UTRN: variants seen among roughly 807,000 people sequenced by gnomAD.
UTRN encodes the protein dystrophin-related protein 1.
A neutral mutation model predicts 463.9 loss-of-function variants in UTRN; 283 were observed. The observed-to-expected ratio is 0.61, with a 90% CI of 0.55 to 0.67. The LOEUF (loss-of-function observed/expected upper bound fraction) is 0.67. Ranked by LOEUF, UTRN falls within the 30% of genes least tolerant of loss-of-function variation. UTRN has a pLI of 0.00. For missense variants in UTRN, 3,922 were observed against 4,084.3 expected (o/e 0.96, Z 1.08); for synonymous variants, 1,442 against 1,431.5 (o/e 1.01, Z -0.17).
At position 144,516,335 on chromosome 6, in the gene UTRN, A is replaced by C. The variant is rs370218753; in HGVS notation, c.5351A>C (p.Asn1784Thr). The C allele has an allele frequency of 8.7e-6, 14 of 1,613,672 alleles. No individual in the cohort carries two copies. Among genetic ancestry groups the C allele is most frequent in the African/African-American group, 4.0e-5 (3 of 74,912 alleles). Residue 1784 changes from asparagine (N) to threonine (T), a missense_variant, in exon 38 of 75, where the codon AAT (asparagine) becomes ACT (threonine). Asn to Thr is a moderately conservative substitution (Grantham distance 65, BLOSUM62 0). Transcript: ENST00000367545. ...GAAAAATTAGAAAATGACATAGAAAATATGTTAAAATTTGTGGAAAAACAC... is the reference window on the plus strand; with the variant it reads ...GAAAAATTAGAAAATGACATAGAAACTATGTTAAAATTTGTGGAAAAACAC... Reference protein sequence around the residue: ...DLEKLENDIENMLKFVEKHLE... With the variant: ...DLEKLENDIETMLKFVEKHLE...
intron 53 of UTRN, among the ~76,000 whole-genome samples, chr6:144,709,603 G>A (rs1157181117): frequency 6.6e-6 from 1 of 152,060 alleles, no homozygotes; most frequent in Non-Finnish European, 1.5e-5. Context: ...TAATCTTAAG[G>A]TAATAGTTTG....
intron 2 of UTRN, among the ~76,000 whole-genome samples, chr6:144,336,702 A>G (rs1176831675): frequency 2.0e-5 from 3 of 152,184 alleles, no homozygotes; most frequent in African/African-American, 4.8e-5. Flanking sequence ...CAGTCCAGAA[A>G]AATTACTCCC....
intron 51 of UTRN, among the ~76,000 whole-genome samples, chr6:144,657,557 A>G (rs975152413): frequency 1.3e-5 from 2 of 152,156 alleles, no homozygotes; most frequent in African/African-American, 4.8e-5. Flanking sequence ...TACAAAGGAT[A>G]CCCTTTCTTT....
intron 34 of UTRN, among the ~76,000 whole-genome samples, chr6:144,507,712 A>C (rs918383209): frequency 7.7e-4 from 117 of 152,258 alleles, no homozygotes; most frequent in African/African-American, 2.6e-3. Flanking sequence ...CCCTGCTGGG[A>C]GGTGTCTCCC....
At chr6:144,832,016 T>C (rs1035539484) in intron 69 of UTRN, among the ~76,000 whole-genome samples, 1 of 152,246 alleles carries the variant, frequency 6.6e-6, no homozygotes, top group Non-Finnish European at 1.5e-5. Flanking sequence ...GTGTTTACTA[T>C]GTGTGACTTA....
intron 52 of UTRN, among the ~76,000 whole-genome samples, chr6:144,679,659 G>GA (rs1782010390): frequency 6.6e-6 from 1 of 152,138 alleles, no homozygotes; most frequent in African/African-American, 2.4e-5. Context: ...TCCTGCCTAA[G>GA]AAAGCATCTA....
intron 66 of UTRN, among the ~76,000 whole-genome samples, chr6:144,825,904 A>G (rs1780133115): frequency 6.7e-6 from 1 of 149,740 alleles, no homozygotes; most frequent in African/African-American, 2.5e-5. Flanking sequence ...CTGACAGTAT[A>G]GATATTCTGA....
chr6:144,421,820 T>C (rs999390000), intron 3 of UTRN, 58 bp from the exon 4 acceptor site: 49 of 1,372,546 alleles, frequency 3.6e-5, no homozygotes, highest in Non-Finnish European at 4.5e-5. Flanking sequence ...TGCCCAGGTA[T>C]ATATGGAGTT....
In UTRN at chr6:144,542,840, C is replaced by G; in HGVS notation, c.6565C>G (p.Pro2189Ala). The change falls in exon 46 of 75, where the codon CCC (proline) becomes GCC (alanine). Residue 2189 changes from proline to alanine, a missense_variant. This residue lies in a region of UTRN where 2,349 missense variants were observed against 2,303.8 expected (regional missense o/e 1.02). Coordinates refer to ENST00000367545, the MANE Select transcript of UTRN (RefSeq NM_007124.3). ...CACCCTGAAGGAATGCATCCAGGAG[C>G]CCAGTTCTGTTTCACAGACAAGGAT... ...PTTLKECIQEPSSVSQTRIAA... is the reference protein window; with the variant it reads ...PTTLKECIQEASSVSQTRIAA... 1 of 1,613,524 alleles carries G rather than the reference C, an allele frequency of 6.2e-7. No homozygotes were observed. Among genetic ancestry groups the G allele is most frequent in the Non-Finnish European group, 8.5e-7 (1 of 1,179,816 alleles).
chr6:144,710,899 T>C (rs1785614842), intron 53 of UTRN, among the ~76,000 whole-genome samples: 2 of 152,264 alleles, frequency 1.3e-5, no homozygotes, highest in South Asian at 4.1e-4. Context: ...TTATAGTCTT[T>C]GCAAGTATCA....
chr6:144,774,169 A>C (rs1026112533), intron 59 of UTRN, 121 bp from the exon 60 acceptor site: 1 of 992,772 alleles, frequency 1.0e-6, no homozygotes, highest in African/African-American at 1.7e-5. Flanking sequence ...TTGGGAGAAG[A>C]CTTTTTATTT....
chr6:144,639,665 A>G (rs1777559495), intron 51 of UTRN, among the ~76,000 whole-genome samples: 1 of 150,412 alleles, frequency 6.6e-6, no homozygotes, highest in African/African-American at 2.4e-5. Flanking sequence ...TCAAATACAC[A>G]GTCTTATTGC....
At chr6:144,547,241 TTTTTTAAGTTTTAGAAAAAGTA>T (rs1285364968) in intron 46 of UTRN, among the ~76,000 whole-genome samples, 1 of 152,214 alleles carries the variant, frequency 6.6e-6, no homozygotes, top group Non-Finnish European at 1.5e-5. Flanking sequence ...CTTTAGATGA[TTTTTTAAGTTTTAGAAAAAGTA>T]TTTTGGCTAT....
At chr6:144,848,562 G>C (rs1254006796) in intron 74 of UTRN, among the ~76,000 whole-genome samples, 7 of 152,208 alleles carry the variant, frequency 4.6e-5, no homozygotes, top group Non-Finnish European at 8.8e-5. Context: ...TAAATTTGCA[G>C]TTGTAGGGGA....
At chr6:144,436,825 T>TATA (rs1286020874) in intron 10 of UTRN, among the ~76,000 whole-genome samples, 7,520 of 144,408 alleles carry the variant, frequency 0.052, 613 homozygotes, top group African/African-American at 0.17. Context: ...AAAATAAATA[T>TATA]ATATTTTATT....
chr6:144,622,840 G>A (rs1775573358), intron 51 of UTRN, among the ~76,000 whole-genome samples: 2 of 152,290 alleles, frequency 1.3e-5, no homozygotes, highest in East Asian at 1.9e-4. Flanking sequence ...TGTCACTCTC[G>A]TATTGGACAA....
intron 29 of UTRN, 48 bp downstream of exon 29, chr6:144,487,745 G>A (rs772877419): frequency 2.1e-5 from 32 of 1,533,656 alleles, no homozygotes; most frequent in Non-Finnish European, 2.8e-5. Context: ...TGATGAAGTG[G>A]AGCTGGCCCT....
At chr6:144,674,632 C>G (rs1781409602) in intron 51 of UTRN, among the ~76,000 whole-genome samples, 1 of 152,174 alleles carries the variant, frequency 6.6e-6, no homozygotes, top group African/African-American at 2.4e-5. Context: ...CCTTGGCCCA[C>G]TGCAACCTCT....
At chr6:144,325,286 G>A (rs1386855092) in intron 2 of UTRN, among the ~76,000 whole-genome samples, 3 of 152,182 alleles carry the variant, frequency 2.0e-5, no homozygotes, top group Admixed American at 6.5e-5. Context: ...TCTCTTTCTT[G>A]AATGGATTAA....
Sources: gnomAD v4.1 joint callset for allele counts (sites outside exome capture counted in the v4.1 genomes callset) on GRCh38, gnomAD v4.1.1 for gene constraint, gnomAD v4.1.1 regional missense constraint, MANE v1.5 for transcripts, NCBI Gene and HGNC (gene_info 2026-07-23, HGNC 2026-07-21) for gene names.